CLYBL: variants seen among roughly 807,000 people sequenced by gnomAD.
The protein encoded by CLYBL is citramalyl-CoA lyase, mitochondrial.
CLYBL carries 31 observed loss-of-function variants against 38.9 expected under a neutral mutation model. The observed-to-expected ratio is 0.80, with a 90% CI of 0.60 to 1.08. CLYBL has a LOEUF of 1.08. CLYBL is among the 50% of genes least tolerant of loss of function. The pLI, the probability that CLYBL is intolerant of heterozygous loss-of-function variation, is 0.00. For synonymous variants in CLYBL, 171 were observed against 158.6 expected (o/e 1.08, Z -0.59); for missense variants, 434 against 411.6 (o/e 1.05, Z -0.47).
At chr13:99,609,643 C>T (rs538783284) in intron 1 of CLYBL, among the ~76,000 whole-genome samples, 2 of 152,034 alleles carry the variant, frequency 1.3e-5, no homozygotes, top group Non-Finnish European at 2.9e-5. Flanking sequence ...CTCAAGCTGT[C>T]CTCCCACCTC....
chr13:99,875,881 C>A (rs1385458970), intron 7 of CLYBL, among the ~76,000 whole-genome samples: 1 of 152,096 alleles, frequency 6.6e-6, no homozygotes, highest in Non-Finnish European at 1.5e-5. Context: ...TATTTCCCTG[C>A]TCATTTAACA....
intron 1 of CLYBL, among the ~76,000 whole-genome samples, chr13:99,608,133 G>A (rs1172028732): frequency 7.5e-6 from 1 of 133,774 alleles, no homozygotes; most frequent in Non-Finnish European, 1.5e-5. Context: ...GTGCAATGGC[G>A]CCATCTCAGC....
chr13:99,838,928 G>C (rs576120023), intron 2 of CLYBL, among the ~76,000 whole-genome samples: 1 of 152,280 alleles, frequency 6.6e-6, no homozygotes, highest in Non-Finnish European at 1.5e-5. Flanking sequence ...CGTGAACCAC[G>C]GCGCCTGGCC....
rs546928873 is a variant in CLYBL, at chr13:99,607,444, ATTAG to A, written c.62+690_62+693del. The stretch of plus-strand genomic sequence containing the variant: ...ATTCTGGGCTCATGCAGATGCAGAT[ATTAG>A]TTGGGAAAGGGAGGACCAAGCAGAC... On this transcript the variant is annotated intron_variant, in intron 1 of 8. Coordinates refer to ENST00000339105, the MANE Select transcript of CLYBL (RefSeq NM_206808.5). Among the ~76,000 whole-genome samples the A allele has an allele frequency of 2.3e-4, 35 of 152,314 alleles. 2 individuals carry two copies. The East Asian group carries it at 6.4e-3, about 28-fold the overall frequency.
intron 2 of CLYBL, among the ~76,000 whole-genome samples, chr13:99,810,902 C>T (rs544427606): frequency 1.3e-5 from 2 of 152,196 alleles, no homozygotes; most frequent in African/African-American, 2.4e-5. Flanking sequence ...AAGACCATTC[C>T]AGTTTTCTAA....
chr13:99,607,900 C>T (rs1416778279), intron 1 of CLYBL, among the ~76,000 whole-genome samples: 2 of 151,940 alleles, frequency 1.3e-5, no homozygotes, highest in Non-Finnish European at 2.9e-5. Context: ...TGCACCACCA[C>T]CCCTGGCTAA....
At chr13:99,693,100 G>A (rs571589016) in intron 1 of CLYBL, among the ~76,000 whole-genome samples, 1 of 152,214 alleles carries the variant, frequency 6.6e-6, no homozygotes, top group Non-Finnish European at 1.5e-5. Flanking sequence ...GGAATTGCTG[G>A]GTCTTATGGT....
intron 3 of CLYBL, among the ~76,000 whole-genome samples, chr13:99,860,921 G>A (rs9557319): frequency 0.073 from 11,063 of 152,224 alleles, 777 homozygotes; most frequent in East Asian, 0.27. Context: ...TATAACAAGC[G>A]TAACCCTGCC....
intron 1 of CLYBL, among the ~76,000 whole-genome samples, chr13:99,685,859 G>A (rs955433187): frequency 3.3e-5 from 5 of 152,166 alleles, no homozygotes; most frequent in Non-Finnish European, 7.3e-5. Flanking sequence ...CTACTCGGGT[G>A]GCTGAGGAAC....
At chr13:99,868,280 T>C (rs1037236868) in intron 6 of CLYBL, among the ~76,000 whole-genome samples, 2 of 152,166 alleles carry the variant, frequency 1.3e-5, no homozygotes, top group African/African-American at 4.8e-5. Context: ...ATAAGATAGA[T>C]TATTTGTAGT....
intron 2 of CLYBL, among the ~76,000 whole-genome samples, chr13:99,788,866 C>T (rs957319466): frequency 2.0e-5 from 3 of 152,166 alleles, no homozygotes; most frequent in Non-Finnish European, 4.4e-5. Flanking sequence ...TTAATTATTG[C>T]CTCAATTTCA....
intron 1 of CLYBL, among the ~76,000 whole-genome samples, chr13:99,746,768 C>T (rs2048858756): frequency 6.6e-6 from 1 of 152,216 alleles, no homozygotes; most frequent in Non-Finnish European, 1.5e-5. Flanking sequence ...TGCTATACCT[C>T]ATAGTTCCCA....
At chr13:99,895,481 C>T (rs2152135139), downstream of CLYBL, 1 of 152,340 alleles carries the variant, frequency 6.6e-6, no homozygotes, top group South Asian at 2.1e-4. Context: ...AGGCGGGAGG[C>T]AGGACCAGAC....
chr13:99,707,508 G>A (rs1448055257), intron 1 of CLYBL, among the ~76,000 whole-genome samples: 1 of 152,108 alleles, frequency 6.6e-6, no homozygotes, highest in East Asian at 1.9e-4. Flanking sequence ...TCCTGACCTC[G>A]TGATCTGCCC....
chr13:99,776,692 A>G (rs2049524918), intron 2 of CLYBL, among the ~76,000 whole-genome samples: 1 of 152,164 alleles, frequency 6.6e-6, no homozygotes, highest in Non-Finnish European at 1.5e-5. Context: ...AATTTTGAAG[A>G]GGTTGGGGCC....
intron 2 of CLYBL, among the ~76,000 whole-genome samples, chr13:99,797,166 T>G (rs2050038329): frequency 6.6e-6 from 1 of 152,182 alleles, no homozygotes; most frequent in African/African-American, 2.4e-5. Context: ...GAGTTCAGAG[T>G]GCATCTTAGT....
intron 1 of CLYBL, among the ~76,000 whole-genome samples, chr13:99,755,334 G>A (rs1206368106): frequency 1.3e-5 from 2 of 152,192 alleles, no homozygotes; most frequent in Non-Finnish European, 2.9e-5. Context: ...AGTTGCTCAT[G>A]TGTCTTGGCC....
intron 2 of CLYBL, among the ~76,000 whole-genome samples, chr13:99,799,207 T>C (rs1219101810): frequency 1.3e-5 from 2 of 152,192 alleles, no homozygotes; most frequent in Non-Finnish European, 2.9e-5. Context: ...TATTAAACTC[T>C]TGAATCTGAG....
intron 1 of CLYBL, among the ~76,000 whole-genome samples, chr13:99,751,194 C>T (rs879856518): frequency 1.1e-4 from 16 of 151,780 alleles, no homozygotes; most frequent in East Asian, 1.9e-4. Context: ...TTCTGACATA[C>T]GCTATAACAT....
Sources: allele counts gnomAD v4.1 joint callset (sites outside exome capture counted in the v4.1 genomes callset), GRCh38; gene constraint gnomAD v4.1.1; transcripts MANE v1.5; gene names NCBI Gene and HGNC (gene_info 2026-07-23, HGNC 2026-07-21).